Variants in MAGED1 observed in about 807,000 individuals in gnomAD.
MAGED1 encodes the protein MAGE family member D1, also known as melanoma-associated antigen D1.
Under a neutral mutation model 54.1 loss-of-function variants are expected in MAGED1, and 3 were observed. That is an observed-to-expected ratio of 0.06 (90% CI 0.03 to 0.14). The LOEUF is 0.14. MAGED1 is among the 10% of genes least tolerant of loss of function. The pLI, the probability that MAGED1 is intolerant of heterozygous loss-of-function variation, is 1.00. For synonymous variants in MAGED1, 217 were observed against 227.3 expected (o/e 0.95, Z 0.41); for missense variants, 485 against 623.4 (o/e 0.78, Z 2.36).
chrX:51,807,667 ACT>A (rs1223439429), intron 1 of MAGED1, among the ~76,000 whole-genome samples: 1 of 111,615 alleles, frequency 9.0e-6, no homozygotes, highest in Non-Finnish European at 1.9e-5. Context: ...ACCCCAAACC[ACT>A]TATTGAAAAG....
intron 1 of MAGED1, among the ~76,000 whole-genome samples, chrX:51,807,625 C>A (rs182616610): frequency 1.5e-3 from 168 of 111,208 alleles, no homozygotes; most frequent in African/African-American, 5.3e-3. Flanking sequence ...ATGTAAAGGC[C>A]CTTTTTTTGT....
intron 1 of MAGED1, among the ~76,000 whole-genome samples, chrX:51,854,055 A>G (rs1165985367): frequency 2.7e-5 from 3 of 111,562 alleles, no homozygotes; most frequent in Non-Finnish European, 5.7e-5. Context: ...TTCTTTTAGG[A>G]AGCAGGTAAA....
At chrX:51,843,052 T>A (rs1365334098) in intron 1 of MAGED1, among the ~76,000 whole-genome samples, 1 of 111,816 alleles carries the variant, frequency 8.9e-6, no homozygotes, top group East Asian at 2.8e-4. Context: ...TAAAGAGTTT[T>A]TATAAGTCTC....
At chrX:51,864,946 T>C (rs1371385949) in intron 1 of MAGED1, among the ~76,000 whole-genome samples, 5 of 112,107 alleles carry the variant, frequency 4.5e-5, no homozygotes, top group Non-Finnish European at 7.5e-5. Context: ...TTTTATTTCC[T>C]TTTCTTGACT....
chrX:51,900,178 T>C lies in MAGED1; in HGVS notation c.1845-4T>C. 5.1e-6 allele frequency: 6 copies of C among 1,178,585 alleles called. No individual in the cohort carries two copies. The highest frequency in any genetic ancestry group is 6.9e-6 in the Non-Finnish European group (6 of 866,622). On this transcript the variant is annotated splice_region_variant and splice_polypyrimidine_tract_variant and intron_variant, in intron 10 of 12. Transcript: ENST00000326587. ...TAGACACAAAGACTGTTTTGCTCTTTCAGATACCTGGACTACAGACGAGTG... is the reference window on the plus strand; with the variant it reads ...TAGACACAAAGACTGTTTTGCTCTTCCAGATACCTGGACTACAGACGAGTG...
intron 1 of MAGED1, among the ~76,000 whole-genome samples, chrX:51,804,447 C>T (rs1924960735): frequency 8.9e-6 from 1 of 112,095 alleles, no homozygotes; most frequent in Non-Finnish European, 1.9e-5. Flanking sequence ...TCTTTATACT[C>T]TATTCAAATC....
chrX:51,891,321 T>C (rs1325907163), upstream of MAGED1, among the ~76,000 whole-genome samples: 2 of 112,848 alleles, frequency 1.8e-5, no homozygotes, highest in Non-Finnish European at 3.7e-5. Context: ...TAACAACATA[T>C]ATGTGTGTAA....
At position 51,841,386 on chromosome X, in the gene MAGED1, G is replaced by T. The variant is rs1231926666; in HGVS notation, c.-37+38269G>T. Among the ~76,000 whole-genome samples the T allele has an allele frequency of 5.4e-3, 602 of 110,678 alleles. 1 individual carries two copies. The highest frequency in any genetic ancestry group is 8.2e-3 in the Non-Finnish European group (434 of 52,711). On this transcript the variant is annotated intron_variant, in intron 1 of 12. Coordinates refer to the MAGED1 transcript ENST00000375772. The stretch of plus-strand genomic sequence containing the variant: ...AAAATTTTCTCCCATTCTGTAGGGT[G>T]CCTGTTCACTCTGATGGTGGTTTCT...
At chrX:51,846,762 C>T (rs918926396) in intron 1 of MAGED1, among the ~76,000 whole-genome samples, 2 of 110,756 alleles carry the variant, frequency 1.8e-5, no homozygotes, top group Admixed American at 1.9e-4. Context: ...ACAACCAGAT[C>T]TTGTGATAAC....
At chrX:51,854,203 T>C (rs1198384002) in intron 1 of MAGED1, among the ~76,000 whole-genome samples, 1 of 112,205 alleles carries the variant, frequency 8.9e-6, no homozygotes, top group Admixed American at 9.5e-5. Context: ...GATAAATAAG[T>C]ATCCCTTTCT....
At chrX:51,826,753 G>T (rs782541388) in intron 1 of MAGED1, among the ~76,000 whole-genome samples, 12 of 112,348 alleles carry the variant, frequency 1.1e-4, no homozygotes, top group African/African-American at 3.5e-4. Flanking sequence ...AAGATGAAGC[G>T]ACAGGAGCTC....
intron 10 of MAGED1, chrX:51,899,699 C>G (rs1256282664): frequency 8.3e-6 from 1 of 120,879 alleles, no homozygotes; most frequent in Non-Finnish European, 1.7e-5. Flanking sequence ...ACCTCTGCCT[C>G]CCAAAGTGCT....
intron 10 of MAGED1, 30 bp from the exon 11 acceptor site, chrX:51,900,152 G>A: frequency 1.0e-6 from 1 of 970,558 alleles, no homozygotes; most frequent in Non-Finnish European, 1.5e-6. Flanking sequence ...GCCTGGGTAG[G>A]TAGACACAAA....
At chrX:51,873,150 G>A (rs1421806861) in intron 1 of MAGED1, among the ~76,000 whole-genome samples, 2 of 111,482 alleles carry the variant, frequency 1.8e-5, no homozygotes, top group Non-Finnish European at 3.8e-5. Context: ...TTGGTGGAAG[G>A]GGAAGAGGCA....
intron 1 of MAGED1, among the ~76,000 whole-genome samples, chrX:51,855,602 C>T (rs972780283): frequency 9.0e-6 from 1 of 110,869 alleles, no homozygotes; most frequent in African/African-American, 3.3e-5. Context: ...CTGTCTTTAT[C>T]TCCTCTTCTT....
chrX:51,871,672 T>C (rs1927680406), intron 1 of MAGED1, among the ~76,000 whole-genome samples: 1 of 111,791 alleles, frequency 8.9e-6, no homozygotes, highest in African/African-American at 3.3e-5. Flanking sequence ...CAGTCTATCA[T>C]TGATGGACAT....
At chrX:51,829,693 A>G (rs1925990145) in intron 1 of MAGED1, among the ~76,000 whole-genome samples, 1 of 111,659 alleles carries the variant, frequency 9.0e-6, no homozygotes, top group African/African-American at 3.2e-5. Flanking sequence ...ACAGAAGTCC[A>G]ATAAATACAT....
chrX:51,858,299 A>G (rs1927160499), intron 1 of MAGED1, among the ~76,000 whole-genome samples: 2 of 111,681 alleles, frequency 1.8e-5, no homozygotes, highest in African/African-American at 6.5e-5. Flanking sequence ...CTGGGTTTAT[A>G]GTGGCAATAT....
At chrX:51,869,541 T>C (rs1485306684) in intron 1 of MAGED1, among the ~76,000 whole-genome samples, 1 of 111,241 alleles carries the variant, frequency 9.0e-6, no homozygotes, top group African/African-American at 3.3e-5. Flanking sequence ...TCTCCATTTT[T>C]ATGATTTTTT....
Sources: allele counts gnomAD v4.1 joint callset (sites outside exome capture counted in the v4.1 genomes callset), GRCh38; gene constraint gnomAD v4.1.1; transcripts MANE v1.5; gene names NCBI Gene and HGNC (gene_info 2026-07-23, HGNC 2026-07-21).